Variants in ASB3 observed in about 807,000 individuals in gnomAD.
ASB3 encodes the protein ankyrin repeat and SOCS box protein 3.
ASB3 carries 41 observed loss-of-function variants against 54.5 expected under a neutral mutation model. The ratio of observed to expected loss-of-function variants is 0.75; its 90% confidence interval spans 0.59 to 0.98. The LOEUF is 0.98. Ranked by LOEUF, ASB3 falls within the 50% of genes least tolerant of loss-of-function variation. The pLI is 0.00. For missense variants in ASB3, 733 were observed against 620.0 expected (o/e 1.18, Z -1.94); for synonymous variants, 266 against 221.2 (o/e 1.20, Z -1.80).
Position 53,670,595 on chromosome 2 carries a change from G to A in ASB3, c.1465C>T (p.Pro489Ser). The A allele has an allele frequency of 6.2e-7, 1 of 1,613,910 alleles. No homozygotes were observed. Among genetic ancestry groups the A allele is most frequent in the Non-Finnish European group, 8.5e-7 (1 of 1,179,968 alleles). The change falls in exon 10 of 10, where the codon CCA becomes TCA. Residue 489 changes from proline (P) to serine (S), a missense_variant. Pro to Ser is a moderately conservative substitution (Grantham distance 74, BLOSUM62 -1). Coordinates refer to ENST00000263634, the MANE Select transcript of ASB3 (RefSeq NM_016115.5). ...LRSDSYISQLPLPRSLHNYLL... is the reference protein window; with the variant it reads ...LRSDSYISQLSLPRSLHNYLL... ...TAATTATGTAGGCTTCTGGGAAGTGGCAGCTGACTAATATAACTGTCAGAC... is the reference window on the plus strand; with the variant it reads ...TAATTATGTAGGCTTCTGGGAAGTGACAGCTGACTAATATAACTGTCAGAC...
chr2:53,782,788 A>AT (rs1162512513), intron 1 of ASB3, among the ~76,000 whole-genome samples: 2 of 152,042 alleles, frequency 1.3e-5, no homozygotes. Flanking sequence ...AAAGAGCTCA[A>AT]TAATTTTTTT....
chr2:53,688,369 A>C (rs1668740414), intron 9 of ASB3, among the ~76,000 whole-genome samples: 1 of 152,218 alleles, frequency 6.6e-6, no homozygotes, highest in Non-Finnish European at 1.5e-5. Flanking sequence ...ATGAGCTTTC[A>C]AATTGCTTCA....
At chr2:53,671,632 G>A (rs1324043780) in intron 9 of ASB3, among the ~76,000 whole-genome samples, 1 of 151,910 alleles carries the variant, frequency 6.6e-6, no homozygotes, top group African/African-American at 2.4e-5. Flanking sequence ...GGTGGCACAT[G>A]CCTGTAATCC....
At chr2:53,718,575 T>C (rs1034067297) in intron 5 of ASB3, among the ~76,000 whole-genome samples, 1 of 152,212 alleles carries the variant, frequency 6.6e-6, no homozygotes, top group Non-Finnish European at 1.5e-5. Context: ...CTGAAGTACA[T>C]AGCCCAAAGA....
chr2:53,708,252 A>C (rs1348784941), intron 7 of ASB3, among the ~76,000 whole-genome samples: 6 of 151,794 alleles, frequency 4.0e-5, no homozygotes, highest in Non-Finnish European at 7.4e-5. Context: ...TCCCACACTC[A>C]CTCTCTTGCT....
At chr2:53,693,108 C>T (rs575313906) in intron 9 of ASB3, among the ~76,000 whole-genome samples, 1 of 152,254 alleles carries the variant, frequency 6.6e-6, no homozygotes, top group East Asian at 1.9e-4. Flanking sequence ...TGAAGAGTTA[C>T]ATTTCATGTA....
chr2:53,728,858 G>A lies in ASB3; in HGVS notation c.469-11C>T. The A allele has an allele frequency of 1.9e-6, 3 of 1,568,662 alleles. No homozygotes were observed. The highest frequency in any genetic ancestry group is 2.6e-6 in the Non-Finnish European group (3 of 1,158,188). The stretch of plus-strand genomic sequence containing the variant: ...GATCTCAGCATTTTCCTAAAGCACA[G>A]ATTCACATTTTAAATAAGAAAAAAA... On this transcript the variant is annotated splice_polypyrimidine_tract_variant and intron_variant, in intron 4 of 9. Coordinates refer to ENST00000263634, the MANE Select transcript of ASB3 (RefSeq NM_016115.5).
chr2:53,776,342 T>C (rs898659419), intron 1 of ASB3, among the ~76,000 whole-genome samples: 1 of 152,234 alleles, frequency 6.6e-6, no homozygotes, highest in South Asian at 2.1e-4. Flanking sequence ...TCCCTGGTTC[T>C]TTCTTTCCAG....
intron 3 of ASB3, among the ~76,000 whole-genome samples, chr2:53,732,498 T>C (rs1671376149): frequency 1.3e-5 from 2 of 152,206 alleles, no homozygotes; most frequent in African/African-American, 2.4e-5. Context: ...AACAGTGATA[T>C]ATGAAGGAGA....
At chr2:53,775,457 G>A (rs1674272207) in intron 1 of ASB3, among the ~76,000 whole-genome samples, 1 of 152,010 alleles carries the variant, frequency 6.6e-6, no homozygotes, top group Admixed American at 6.6e-5. Context: ...GCCAAGAACA[G>A]GCACCTCCTG....
At chr2:53,778,149 CAAAA>C (rs34356077) in intron 1 of ASB3, among the ~76,000 whole-genome samples, 2 of 62,630 alleles carry the variant, frequency 3.2e-5, no homozygotes, top group African/African-American at 5.0e-5. Context: ...ATTCTTGTCT[CAAAA>C]AAAAAAAAAA....
chr2:53,700,643 G>C (rs1350897027), intron 7 of ASB3, 115 bp from the exon 8 acceptor site: 13 of 1,387,752 alleles, frequency 9.4e-6, no homozygotes, highest in East Asian at 2.5e-5. Flanking sequence ...AGATTAAATA[G>C]TGGATGGTTT....
At chr2:53,729,283 A>G (rs570004562) in intron 4 of ASB3, among the ~76,000 whole-genome samples, 175 bp downstream of exon 4, 107 of 152,324 alleles carry the variant, frequency 7.0e-4, no homozygotes, top group Admixed American at 1.5e-3. Context: ...TTCCACAGCT[A>G]CTACAGAAGT....
intron 9 of ASB3, among the ~76,000 whole-genome samples, chr2:53,685,812 C>G (rs1218838081): frequency 8.5e-5 from 13 of 152,204 alleles, no homozygotes; most frequent in Admixed American, 8.5e-4. Flanking sequence ...CACATTTAAC[C>G]TGGAGAAAGG....
chr2:53,761,187 C>G (rs1217033149), intron 2 of ASB3, among the ~76,000 whole-genome samples: 2 of 152,108 alleles, frequency 1.3e-5, no homozygotes. Flanking sequence ...CCTTTAAACA[C>G]CGGGCTTGTA....
chr2:53,688,448 G>C (rs1465175928), intron 9 of ASB3, among the ~76,000 whole-genome samples: 1 of 152,152 alleles, frequency 6.6e-6, no homozygotes, highest in Admixed American at 6.5e-5. Flanking sequence ...CCTCAATCAT[G>C]TAACAATCAA....
chr2:53,754,443 A>C (rs1222330350), intron 2 of ASB3, among the ~76,000 whole-genome samples: 1 of 152,218 alleles, frequency 6.6e-6, no homozygotes, highest in Non-Finnish European at 1.5e-5. Context: ...TGAAGTAAAG[A>C]AAATAAAAGG....
chr2:53,707,894 G>A (rs1481182965), intron 7 of ASB3, among the ~76,000 whole-genome samples: 1 of 150,076 alleles, frequency 6.7e-6, no homozygotes, highest in African/African-American at 2.5e-5. Flanking sequence ...CTCGGGAGGT[G>A]GTGGTTGCAG....
At chr2:53,712,865 A>C (rs888707462) in intron 7 of ASB3, among the ~76,000 whole-genome samples, 7 of 152,218 alleles carry the variant, frequency 4.6e-5, no homozygotes, top group African/African-American at 1.7e-4. Context: ...AGAGAAAGGC[A>C]ACTAAAAGTT....
Sources: allele counts gnomAD v4.1 joint callset (sites outside exome capture counted in the v4.1 genomes callset), GRCh38; gene constraint gnomAD v4.1.1; transcripts MANE v1.5; gene names NCBI Gene and HGNC (gene_info 2026-07-23, HGNC 2026-07-21).